The following GRM4 variants were observed in gnomAD, a reference collection of about 807,000 sequenced individuals.
The protein encoded by GRM4 is metabotropic glutamate receptor 4.
In GRM4, 28 loss-of-function variants were observed where a neutral mutation model predicts 81.7. The observed-to-expected ratio is 0.34, with a 90% CI of 0.25 to 0.47. The LOEUF (loss-of-function observed/expected upper bound fraction) is 0.47, where lower values mean the gene tolerates loss of function less well. Among genes scored for constraint, GRM4 ranks in the 20% least tolerant of loss-of-function variants. The pLI, the probability that GRM4 is intolerant of heterozygous loss-of-function variation, is 1.00. For synonymous variants in GRM4, 488 were observed against 528.8 expected (o/e 0.92, Z 1.06); for missense variants, 948 against 1,290.0 (o/e 0.73, Z 4.06).
At chr6:34,058,670 C>G (rs1228929404) in intron 5 of GRM4, among the ~76,000 whole-genome samples, 2 of 152,176 alleles carry the variant, frequency 1.3e-5, no homozygotes, top group African/African-American at 2.4e-5. Flanking sequence ...AAAGGCCTGT[C>G]CTGTAGCCCC....
rs1234237885 is a variant in GRM4, at chr6:34,087,448, T to C, written c.736+4435A>G. Among the ~76,000 whole-genome samples the C allele has an allele frequency of 5.3e-5, 8 of 149,608 alleles. No individual in the cohort carries two copies. The South Asian group carries it at 1.7e-3, about 31-fold the overall frequency. On this transcript the variant is annotated intron_variant, in intron 3 of 10. Transcript: ENST00000538487. ...AAAAAAAAAAAAAGCCTGCCACATC[T>C]GTGCCCACGTCTGTGCCACCCGCTT...
intron 6 of GRM4, among the ~76,000 whole-genome samples, chr6:34,050,110 C>G (rs930896364): frequency 2.6e-5 from 4 of 152,200 alleles, no homozygotes; most frequent in African/African-American, 9.7e-5. Context: ...CTGTTGCTCT[C>G]TCTGCTTCAG....
chr6:34,022,718 C>T lies in GRM4; in HGVS notation c.*103G>A. On this transcript the variant is annotated 3_prime_UTR_variant, in exon 11 of 11. Coordinates refer to ENST00000538487, the MANE Select transcript of GRM4 (RefSeq NM_000841.4). This position sits in a 1 kb window ranked among gnomAD's most constrained non-coding sequence, Gnocchi z 5.6. ...AGCACCAAGCCACGTCCGTGGGTGC[C>T]CACGGGCAGGCAAGACAGCTGGGCC... 1 of 1,056,788 alleles carries T rather than the reference C, an allele frequency of 9.5e-7. No individual in the cohort carries two copies. The highest frequency in any genetic ancestry group is 1.3e-5 in the South Asian group (1 of 77,902). The allele number at this position is 1,056,788 out of a possible 1,614,324, so 65.5% of individuals were successfully genotyped here.
chr6:34,057,404 A>G (rs1765956010), intron 5 of GRM4, among the ~76,000 whole-genome samples: 1 of 152,198 alleles, frequency 6.6e-6, no homozygotes, highest in Non-Finnish European at 1.5e-5. Context: ...TCCAAGTGGA[A>G]GCAAAATGAC....
rs977008056 is a variant in GRM4, at chr6:34,142,774, G to A, written c.-364+3226C>T. Among the ~76,000 whole-genome samples, 7 of 152,288 alleles carry A rather than the reference G, an allele frequency of 4.6e-5. No homozygotes were observed. The South Asian group carries it at 8.3e-4, about 18-fold the overall frequency. ...AGGCGCTCCCTCTCAGAGAAGTCAC[G>A]CCTCCAACGGAATGAAGCCGCCCAG... is the stretch of plus-strand genomic sequence containing the variant. On this transcript the variant is annotated intron_variant, in intron 1 of 10. Transcript: ENST00000538487.
Position 34,133,443 on chromosome 6 carries a change from C to A in GRM4, c.54G>T (p.Leu18=), listed in dbSNP as rs557489076. The change falls in exon 2 of 11, where the codon CTG becomes CTT. Residue 18 remains leucine (L), a synonymous_variant. Coordinates refer to ENST00000538487, the MANE Select transcript of GRM4 (RefSeq NM_000841.4). The surrounding 1 kb of genome is among the most constrained non-coding windows in gnomAD (Gnocchi z 6.5). Reference sequence around the variant, plus strand: ...TCCAGGGGCCGTAAAGGCTGAGGAGCAGGCAAAGGGGCAGCCGGGCCCACC... The same window carrying A: ...TCCAGGGGCCGTAAAGGCTGAGGAGAAGGCAAAGGGGCAGCCGGGCCCACC... ...GWWWARLPLC[L]LLSLYGPWMP... is the part of the protein sequence containing the mutation. The A allele has an allele frequency of 3.7e-5, 60 of 1,608,118 alleles. No individual in the cohort carries two copies. In the African/African-American group the frequency reaches 6.4e-4, roughly 17 times the overall value.
Position 34,036,918 on chromosome 6 carries a change from CAA to C in GRM4, c.1507-317_1507-316del, listed in dbSNP as rs2127443833. ...AGTCACAGGAAACAACAGTGCAGAGCAAAGAGAACTCAAGAGTCCTGACTCTT... is the reference window on the plus strand; with the variant it reads ...AGTCACAGGAAACAACAGTGCAGAGCAGAGAACTCAAGAGTCCTGACTCTT... On this transcript the variant is annotated intron_variant, in intron 8 of 10. Transcript: ENST00000538487. The surrounding 1 kb of genome is among the most constrained non-coding windows in gnomAD (Gnocchi z 9.0). Among the ~76,000 whole-genome samples the C allele has an allele frequency of 6.6e-6, 1 of 152,306 alleles. No individual in the cohort carries two copies. The highest frequency in any genetic ancestry group is 2.1e-4 in the South Asian group (1 of 4,820).
chr6:34,051,637 G>A (rs1765615837), intron 6 of GRM4, among the ~76,000 whole-genome samples: 1 of 152,144 alleles, frequency 6.6e-6, no homozygotes, highest in African/African-American at 2.4e-5. Context: ...CCCAGGGAGG[G>A]CCTGGGAGGA....
In GRM4 at chr6:34,047,534, C is replaced by T. The variant is rs948000979; in HGVS notation, c.1169-6786G>A. 6.6e-6 allele frequency among the ~76,000 whole-genome samples: 1 copy of T among 152,132 alleles called. No individual in the cohort carries two copies. Among genetic ancestry groups the T allele is most frequent in the Admixed American group, 6.5e-5 (1 of 15,268 alleles). On this transcript the variant is annotated intron_variant, in intron 6 of 10. Coordinates refer to ENST00000538487, the MANE Select transcript of GRM4 (RefSeq NM_000841.4). This position sits in a 1 kb window ranked among gnomAD's most constrained non-coding sequence, Gnocchi z 4.5. Reference sequence around the variant, plus strand: ...CAGAGTCACACGCTTGCTTTTCAGCCCTATACCGCAGTTTTGCCGGCCCCC... The same window carrying T: ...CAGAGTCACACGCTTGCTTTTCAGCTCTATACCGCAGTTTTGCCGGCCCCC...
chr6:34,088,084 C>A (rs988198899), intron 3 of GRM4, among the ~76,000 whole-genome samples: 4 of 152,098 alleles, frequency 2.6e-5, no homozygotes, highest in Non-Finnish European at 5.9e-5. Context: ...CCCTCCAGTG[C>A]GCATTCCTGA....
intron 3 of GRM4, among the ~76,000 whole-genome samples, chr6:34,082,673 C>T (rs892046782): frequency 6.6e-6 from 1 of 152,252 alleles, no homozygotes; most frequent in Admixed American, 6.5e-5. Flanking sequence ...CAACTAATGC[C>T]TTTGAGAGCA....
At chr6:34,049,618 C>G (rs558305935) in intron 6 of GRM4, among the ~76,000 whole-genome samples, 2 of 152,244 alleles carry the variant, frequency 1.3e-5, no homozygotes, top group African/African-American at 4.8e-5. Flanking sequence ...TGGTCTCCAC[C>G]AAAGCCCTGC....
intron 2 of GRM4, among the ~76,000 whole-genome samples, chr6:34,107,301 G>A (rs548594372): frequency 2.0e-5 from 3 of 152,282 alleles, no homozygotes; most frequent in Admixed American, 6.5e-5. Flanking sequence ...GGCAAGGGGG[G>A]AGAGGCGATA....
At chr6:34,120,061 G>C (rs1769746155) in intron 2 of GRM4, among the ~76,000 whole-genome samples, 1 of 152,208 alleles carries the variant, frequency 6.6e-6, no homozygotes, top group Non-Finnish European at 1.5e-5. Flanking sequence ...ACCGAACCAT[G>C]GGAATGTATG....
At position 34,090,230 on chromosome 6, in the gene GRM4, C is replaced by T. The variant is rs1176455738; in HGVS notation, c.736+1653G>A. Among the ~76,000 whole-genome samples, 1 of 152,136 alleles carries T rather than the reference C, an allele frequency of 6.6e-6. No individual in the cohort carries two copies. Among genetic ancestry groups the T allele is most frequent in the African/African-American group, 2.4e-5 (1 of 41,434 alleles). ...GGCAGGGACTGAACACAACTGAACA[C>T]GGAGACTCAGGGCCCTTGATCCCTT... On this transcript the variant is annotated intron_variant, in intron 3 of 10. Transcript: ENST00000538487. The surrounding 1 kb of genome is among the most constrained non-coding windows in gnomAD (Gnocchi z 5.2).
At position 34,130,786 on chromosome 6, in the gene GRM4, C is replaced by A. The variant is rs1201847720; in HGVS notation, c.519+2192G>T. ...CGCTCTGGAAAACAGGGGAAGGGATCCTCACCAATGTCACAGGTTCAAGGG... is the reference window on the plus strand; with the variant it reads ...CGCTCTGGAAAACAGGGGAAGGGATACTCACCAATGTCACAGGTTCAAGGG... On this transcript the variant is annotated intron_variant, in intron 2 of 10. Coordinates refer to ENST00000538487, the MANE Select transcript of GRM4 (RefSeq NM_000841.4). The surrounding 1 kb of genome is among the most constrained non-coding windows in gnomAD (Gnocchi z 4.1). 1.3e-5 allele frequency among the ~76,000 whole-genome samples: 2 copies of A among 152,238 alleles called. No individual in the cohort carries two copies. Among genetic ancestry groups the A allele is most frequent in the Non-Finnish European group, 1.5e-5 (1 of 68,036 alleles).
At chr6:34,100,631 G>A (rs733457) in intron 2 of GRM4, among the ~76,000 whole-genome samples, 2 of 152,064 alleles carry the variant, frequency 1.3e-5, no homozygotes, top group East Asian at 1.9e-4. Flanking sequence ...TTCATGGAGC[G>A]GACATCCGAG....
intron 2 of GRM4, among the ~76,000 whole-genome samples, chr6:34,107,342 A>T (rs1201617851): frequency 6.6e-6 from 1 of 152,126 alleles, no homozygotes; most frequent in Admixed American, 6.5e-5. Context: ...CACATTCAGA[A>T]TATACCTCCT....
At chr6:34,125,251 A>C (rs1188402996) in intron 2 of GRM4, among the ~76,000 whole-genome samples, 3 of 152,120 alleles carry the variant, frequency 2.0e-5, no homozygotes, top group African/African-American at 4.8e-5. Context: ...CTTACCTTTT[A>C]ACTCTGCAGG....
Sources: gnomAD v4.1 joint callset for allele counts (sites outside exome capture counted in the v4.1 genomes callset) on GRCh38, gnomAD v4.1.1 for gene constraint, Gnocchi (gnomAD v3.1) non-coding constraint, MANE v1.5 for transcripts, NCBI Gene and HGNC (gene_info 2026-07-23, HGNC 2026-07-21) for gene names.